The following SEPTIN3 variants were observed in gnomAD, a reference collection of about 807,000 sequenced individuals.
The protein encoded by SEPTIN3 is neuronal-specific septin-3.
SEPTIN3 carries 15 observed loss-of-function variants against 45.1 expected under a neutral mutation model. The observed-to-expected ratio is 0.33, with a 90% confidence interval of 0.22 to 0.51. The LOEUF is 0.51. Among genes scored for constraint, SEPTIN3 ranks in the 20% least tolerant of loss-of-function variants. The pLI is 0.97. For missense variants in SEPTIN3, 289 were observed against 457.2 expected, an observed-to-expected ratio of 0.63 and a Z score of 3.35; for synonymous variants, 148 against 164.8, an observed-to-expected ratio of 0.90 and a Z score of 0.78.
chr22:41,994,547 G>C lies in SEPTIN3; in HGVS notation c.2412-74G>C, dbSNP rs928337229. The C allele has an allele frequency of 1.5e-5, 24 of 1,604,436 alleles. No homozygotes were observed. In the African/African-American group the frequency reaches 2.5e-4, roughly 17 times the overall value. On this transcript the variant is annotated intron_variant, in intron 10 of 11. Transcript: ENST00000644076. The surrounding 1 kb of genome is among the most constrained non-coding windows in gnomAD (Gnocchi z 4.2). ...TCCCATTCACTGGGTCCAGTCCCTC[G>C]AAGTGATGTGTGTCACCGCCTCCTC...
At chr22:41,992,834 T>G in intron 9 of SEPTIN3, 71 bp downstream of exon 9, 1 of 1,050,928 alleles carries the variant, frequency 9.5e-7, no homozygotes, top group Non-Finnish European at 1.5e-6. Context: ...TAAGCATCTA[T>G]AGGTCAAGGC....
At chr22:41,981,539 C>A in intron 2 of SEPTIN3, 106 bp from the exon 3 acceptor site, 1 of 957,880 alleles carries the variant, frequency 1.0e-6, no homozygotes, top group Non-Finnish European at 1.5e-6. Context: ...CCCTTCCAGG[C>A]CCAACTTTGT....
chr22:41,979,961 G>C (rs896964984), intron 2 of SEPTIN3, among the ~76,000 whole-genome samples: 5 of 152,078 alleles, frequency 3.3e-5, no homozygotes, highest in Non-Finnish European at 5.9e-5. Context: ...CGGCAGAGCT[G>C]GAAGGTGTCC....
chr22:41,981,287 G>A (rs1186634895), intron 2 of SEPTIN3: 3 of 206,568 alleles, frequency 1.5e-5, no homozygotes, highest in African/African-American at 2.3e-5. Context: ...GCATGTGACA[G>A]CCTCCCACAA....
intron 8 of SEPTIN3, among the ~76,000 whole-genome samples, chr22:41,992,038 G>A (rs1478544368): frequency 6.6e-6 from 1 of 152,144 alleles, no homozygotes; most frequent in Non-Finnish European, 1.5e-5. Flanking sequence ...ATGAAATGCA[G>A]GGGTTAGACT....
chr22:41,984,988 G>A (rs1345056467), intron 3 of SEPTIN3, among the ~76,000 whole-genome samples: 1 of 152,012 alleles, frequency 6.6e-6, no homozygotes, highest in Non-Finnish European at 1.5e-5. Context: ...GAGTAGCTGG[G>A]ACTACAGGCG....
At chr22:41,993,240 A>G (rs977203498) in intron 9 of SEPTIN3, among the ~76,000 whole-genome samples, 1 of 152,328 alleles carries the variant, frequency 6.6e-6, no homozygotes. Flanking sequence ...TTCTCAGAGT[A>G]TAAGCTACCA....
chr22:41,973,347 C>G (rs2077978911), intron 2 of SEPTIN3, among the ~76,000 whole-genome samples: 1 of 151,752 alleles, frequency 6.6e-6, no homozygotes, highest in East Asian at 1.9e-4. Context: ...AATGGTGAGA[C>G]TGTCTCTACA....
At chr22:41,986,789 C>G (rs2078216313) in intron 4 of SEPTIN3, among the ~76,000 whole-genome samples, 2 of 151,888 alleles carry the variant, frequency 1.3e-5, no homozygotes, top group Admixed American at 1.3e-4. Flanking sequence ...GCGTGAGCAA[C>G]CACGCCCGGC....
At chr22:41,987,002 A>G (rs951280215) in intron 4 of SEPTIN3, among the ~76,000 whole-genome samples, 6 of 152,126 alleles carry the variant, frequency 3.9e-5, no homozygotes, top group African/African-American at 1.4e-4. Context: ...AAGAAGAAAA[A>G]GAAATGAGTA....
Position 41,981,625 on chromosome 22 carries a change from C to T in SEPTIN3, c.1505-20C>T, listed in dbSNP as rs1449581912. The T allele has an allele frequency of 6.2e-7, 1 of 1,600,266 alleles. No individual in the cohort carries two copies. The highest frequency in any genetic ancestry group is 1.3e-5 in the African/African-American group (1 of 74,690). ...GTCCTCCTGATCACCCCTCCGACCC[C>T]TCCCACCTTGGCTCTGCAGGGCTCC... is the stretch of plus-strand genomic sequence containing the variant. On this transcript the variant is annotated intron_variant, in intron 2 of 11. Transcript: ENST00000644076.
intron 2 of SEPTIN3, among the ~76,000 whole-genome samples, chr22:41,979,293 T>C (rs2078084049): frequency 6.6e-6 from 1 of 152,134 alleles, no homozygotes; most frequent in South Asian, 2.1e-4. Flanking sequence ...GAGCAGGCCA[T>C]GGTGAGAGCA....
intron 3 of SEPTIN3, among the ~76,000 whole-genome samples, chr22:41,983,051 C>T (rs184481054): frequency 5.6e-4 from 86 of 152,314 alleles, no homozygotes; most frequent in Middle Eastern, 3.4e-3. Flanking sequence ...TTACCTCATA[C>T]GTATCTCTTA....
chr22:41,989,781 C>T (rs2078273586), intron 7 of SEPTIN3, 97 bp downstream of exon 7: 5 of 798,196 alleles, frequency 6.3e-6, no homozygotes, highest in Admixed American at 5.5e-5. Flanking sequence ...CTGCCTTCAC[C>T]CCCACCCTCA....
intron 7 of SEPTIN3, among the ~76,000 whole-genome samples, chr22:41,990,793 G>A (rs1366022663): frequency 6.7e-6 from 1 of 150,224 alleles, no homozygotes; most frequent in Non-Finnish European, 1.5e-5. Flanking sequence ...GCTGGGGGCG[G>A]TGGCTCACGC....
intron 2 of SEPTIN3, chr22:41,981,283 G>A (rs2078115849): frequency 4.9e-6 from 1 of 202,284 alleles, no homozygotes; most frequent in Non-Finnish European, 1.0e-5. Context: ...TAATGCATGT[G>A]ACAGCCTCCC....
Position 41,994,530 on chromosome 22 carries a change from A to G in SEPTIN3, c.2412-91A>G. The G allele has an allele frequency of 6.3e-7, 1 of 1,587,662 alleles. No individual in the cohort carries two copies. Among genetic ancestry groups the G allele is most frequent in the Non-Finnish European group, 8.6e-7 (1 of 1,164,352 alleles). ...TAGCTCCTGGGAGTGGTTCCCATTC[A>G]CTGGGTCCAGTCCCTCGAAGTGATG... On this transcript the variant is annotated intron_variant, in intron 10 of 11. Coordinates refer to ENST00000644076, the MANE Select transcript of SEPTIN3 (RefSeq NM_001363845.2). The surrounding 1 kb of genome is among the most constrained non-coding windows in gnomAD (Gnocchi z 4.2).
intron 11 of SEPTIN3, chr22:41,995,645 T>C (rs1449723824): frequency 1.0e-6 from 1 of 985,464 alleles, no homozygotes; most frequent in Non-Finnish European, 1.2e-6. Context: ...GAAATGACTT[T>C]AGACTGCCTT....
chr22:41,991,732 G>T, intron 8 of SEPTIN3, 64 bp downstream of exon 8: 2 of 1,077,894 alleles, frequency 1.9e-6, no homozygotes, highest in Non-Finnish European at 2.9e-6. Flanking sequence ...TGTGTATTGT[G>T]CACGTCCTCT....
Sources: gnomAD v4.1 joint callset for allele counts (sites outside exome capture counted in the v4.1 genomes callset) on GRCh38, gnomAD v4.1.1 for gene constraint, Gnocchi (gnomAD v3.1) non-coding constraint, MANE v1.5 for transcripts, NCBI Gene and HGNC (gene_info 2026-07-23, HGNC 2026-07-21) for gene names.